Variants in TMTC1 observed in about 807,000 individuals in gnomAD.
The protein encoded by TMTC1 is transmembrane O-mannosyltransferase targeting cadherins 1, also known as protein O-mannosyl-transferase TMTC1.
Under a neutral mutation model 104.8 loss-of-function variants are expected in TMTC1, and 73 were observed. That is an observed-to-expected ratio of 0.70 (90% CI 0.58 to 0.85). TMTC1 has a LOEUF of 0.85. Ranked by LOEUF, TMTC1 falls within the 40% of genes least tolerant of loss-of-function variation. The pLI is 0.00. For synonymous variants in TMTC1, 434 were observed against 428.7 expected, an observed-to-expected ratio of 1.01 and a Z score of -0.15; for missense variants, 1,035 against 1,096.1, an observed-to-expected ratio of 0.94 and a Z score of 0.79.
chr12:29,653,124 T>C (rs2136608978), intron 5 of TMTC1, among the ~76,000 whole-genome samples: 1 of 151,802 alleles, frequency 6.6e-6, no homozygotes, highest in Non-Finnish European at 1.5e-5. Context: ...TATCTGGCAA[T>C]GGCCAGATCC....
chr12:29,616,242 A>T (rs1275173093), intron 6 of TMTC1, among the ~76,000 whole-genome samples: 1 of 152,226 alleles, frequency 6.6e-6, no homozygotes, highest in East Asian at 1.9e-4. Context: ...TGCTGGTACA[A>T]ACTGCTCTAG....
At chr12:29,767,766 ATATC>A in intron 2 of TMTC1, 128 bp downstream of exon 2, 1 of 771,046 alleles carries the variant, frequency 1.3e-6, no homozygotes. Flanking sequence ...TTACATGTAT[ATATC>A]TATATACACA....
At chr12:29,766,205 C>T (rs1181272343) in intron 2 of TMTC1, among the ~76,000 whole-genome samples, 1 of 152,198 alleles carries the variant, frequency 6.6e-6, no homozygotes, top group Admixed American at 6.5e-5. Context: ...GATCTTTCTT[C>T]ATCACCCAAT....
chr12:29,631,511 C>T (rs1290333634), intron 6 of TMTC1, among the ~76,000 whole-genome samples: 1 of 152,212 alleles, frequency 6.6e-6, no homozygotes, highest in Non-Finnish European at 1.5e-5. Flanking sequence ...CATTGAATTA[C>T]TTTGACAACT....
At chr12:29,740,076 G>T (rs1014446526) in intron 5 of TMTC1, among the ~76,000 whole-genome samples, 11 of 152,142 alleles carry the variant, frequency 7.2e-5, no homozygotes, top group African/African-American at 2.7e-4. Context: ...AAGTGCAGTG[G>T]TGTCATCATA....
intron 5 of TMTC1, among the ~76,000 whole-genome samples, chr12:29,694,202 C>T (rs756762616): frequency 6.6e-6 from 1 of 152,172 alleles, no homozygotes; most frequent in Non-Finnish European, 1.5e-5. Context: ...ACTCTCTACG[C>T]TTGCCTATGC....
chr12:29,698,357 C>T (rs74078970), intron 5 of TMTC1, among the ~76,000 whole-genome samples: 6,835 of 152,216 alleles, frequency 0.045, 194 homozygotes, highest in Middle Eastern at 0.075. Context: ...GTGATCACTC[C>T]TCTGTGATTT....
chr12:29,743,298 C>A (rs1042232648), intron 5 of TMTC1, among the ~76,000 whole-genome samples: 20 of 152,158 alleles, frequency 1.3e-4, no homozygotes, highest in African/African-American at 4.6e-4. Context: ...CAACCTCATA[C>A]GTTTCGCAAG....
Position 29,655,750 on chromosome 12 carries a change from T to C in TMTC1, c.939-22414A>G, listed in dbSNP as rs7306129. 6.7e-3 allele frequency among the ~76,000 whole-genome samples: 1,018 copies of C among 152,184 alleles called. 14 individuals carry two copies. The highest frequency in any genetic ancestry group is 0.024 in the African/African-American group (984 of 41,530). On this transcript the variant is annotated intron_variant, in intron 5 of 17. Coordinates refer to ENST00000539277, the MANE Select transcript of TMTC1 (RefSeq NM_001193451.2). ...AATGTAAACGAGTGAATCTCACAAG[T>C]CAAGTCCTTTGAAACAAAGAAGGCT...
intron 7 of TMTC1, among the ~76,000 whole-genome samples, chr12:29,596,762 A>G (rs1946415422): frequency 6.6e-6 from 1 of 152,240 alleles, no homozygotes; most frequent in Non-Finnish European, 1.5e-5. Context: ...AATTTCAAAC[A>G]AAGAATGAAG....
chr12:29,721,570 C>T (rs766304464), intron 5 of TMTC1, among the ~76,000 whole-genome samples: 2 of 151,984 alleles, frequency 1.3e-5, no homozygotes, highest in African/African-American at 4.8e-5. Context: ...GACAGAATTC[C>T]AAGGAGAAAT....
At position 29,751,706 on chromosome 12, in the gene TMTC1, C is replaced by T; in HGVS notation, c.898G>A (p.Gly300Arg). ...SPLPPEPKSSGFPVSPRAVWS... is the reference protein window; with the variant it reads ...SPLPPEPKSSRFPVSPRAVWS... The stretch of plus-strand genomic sequence containing the variant: ...ACAGCTCGTGGGGACACTGGGAATC[C>T]ACTGCTCTTGGGTTCTGGTGGCAGT... The change falls in exon 5 of 18, where the codon GGA becomes AGA. Residue 300 changes from glycine (G) to arginine (R), a missense_variant. Physicochemically the swap from Gly to Arg is moderately radical, Grantham distance 125. Transcript: ENST00000539277. 6.2e-7 allele frequency: 1 copy of T among 1,614,114 alleles called. No individual in the cohort carries two copies. Among genetic ancestry groups the T allele is most frequent in the Non-Finnish European group, 8.5e-7 (1 of 1,180,026 alleles).
chr12:29,554,659 A>G (rs2136250832), intron 10 of TMTC1, among the ~76,000 whole-genome samples: 2 of 152,292 alleles, frequency 1.3e-5, no homozygotes, highest in East Asian at 1.9e-4. Context: ...GTTTTAGCCC[A>G]GGAGTTTGAG....
At chr12:29,721,230 GA>G (rs1471987659) in intron 5 of TMTC1, among the ~76,000 whole-genome samples, 1 of 151,974 alleles carries the variant, frequency 6.6e-6, no homozygotes, top group Admixed American at 6.6e-5. Context: ...AACAAGATGG[GA>G]ATAAACTACT....
intron 8 of TMTC1, among the ~76,000 whole-genome samples, chr12:29,573,259 A>C (rs1005721630): frequency 6.6e-6 from 1 of 152,212 alleles, no homozygotes; most frequent in Non-Finnish European, 1.5e-5. Flanking sequence ...GCCCTCACAT[A>C]ATCTGTATGA....
intron 7 of TMTC1, among the ~76,000 whole-genome samples, chr12:29,601,385 C>T (rs1018938193): frequency 1.1e-4 from 16 of 152,152 alleles, no homozygotes; most frequent in Admixed American, 5.9e-4. Flanking sequence ...CCTTTATTTC[C>T]TCACAAATTA....
chr12:29,586,885 T>C (rs1250681613), intron 7 of TMTC1, among the ~76,000 whole-genome samples: 4 of 150,842 alleles, frequency 2.7e-5, no homozygotes, highest in African/African-American at 7.4e-5. Flanking sequence ...AGGATAGTGG[T>C]CTAAAATTCT....
intron 6 of TMTC1, among the ~76,000 whole-genome samples, chr12:29,608,234 G>C (rs1014346615): frequency 3.3e-5 from 5 of 152,176 alleles, no homozygotes; most frequent in African/African-American, 7.2e-5. Context: ...AGACTAGGAG[G>C]GAACCCGATT....
At chr12:29,603,476 G>T (rs1311297102) in intron 7 of TMTC1, among the ~76,000 whole-genome samples, 2 of 151,958 alleles carry the variant, frequency 1.3e-5, no homozygotes, top group East Asian at 3.9e-4. Context: ...AAAATCTGGG[G>T]GCAAAAAAAG....
Sources: gnomAD v4.1 joint callset for allele counts (sites outside exome capture counted in the v4.1 genomes callset) on GRCh38, gnomAD v4.1.1 for gene constraint, MANE v1.5 for transcripts, NCBI Gene and HGNC (gene_info 2026-07-23, HGNC 2026-07-21) for gene names.